PTBP3: variants seen among roughly 807,000 people sequenced by gnomAD.
PTBP3 encodes the protein polypyrimidine tract binding protein 3, also known as polypyrimidine tract-binding protein 3.
In PTBP3, 20 loss-of-function variants were observed where a neutral mutation model predicts 58.7. The ratio of observed to expected loss-of-function variants is 0.34; its 90% CI spans 0.24 to 0.50. The LOEUF is 0.50. Among genes scored for constraint, PTBP3 ranks in the 20% least tolerant of loss-of-function variants. The pLI is 0.98. For missense variants in PTBP3, 509 were observed against 637.2 expected (o/e 0.80, Z 2.17); for synonymous variants, 185 against 219.8 (o/e 0.84, Z 1.40).
intron 2 of PTBP3, 120 bp from the exon 3 acceptor site, chr9:112,276,133 T>C (rs1827600596): frequency 1.3e-6 from 1 of 793,408 alleles, no homozygotes; most frequent in Non-Finnish European, 2.0e-6. Context: ...CAGGGAAACG[T>C]GGGGCTGATG....
At chr9:112,333,158 C>A in intron 1 of PTBP3, 1 of 1,208,230 alleles carries the variant, frequency 8.3e-7, no homozygotes, top group Non-Finnish European at 1.0e-6. Context: ...ACTCGGGGCG[C>A]GGAGGGCGGA....
chr9:112,237,619 G>A (rs368049305), intron 7 of PTBP3, among the ~76,000 whole-genome samples: 4 of 152,114 alleles, frequency 2.6e-5, no homozygotes, highest in South Asian at 4.1e-4. Context: ...AAAAGTTGCC[G>A]AGATTATAAG....
chr9:112,366,744 C>G, the PTBP3 span, among the ~76,000 whole-genome samples: 1 of 152,152 alleles, frequency 6.6e-6, no homozygotes, highest in South Asian at 2.1e-4. Context: ...CCACACAGTC[C>G]TTAGTGGGGC....
chr9:112,262,550 A>G lies in PTBP3; in HGVS notation c.401T>C (p.Leu134Pro). Residue 134 changes from leucine (L) to proline (P), a missense_variant, in exon 5 of 14, where the codon CTG (leucine) becomes CCG (proline). Leu to Pro is a moderately conservative substitution (Grantham distance 98). Around this residue, in one of 4 missense-constraint regions of PTBP3, gnomAD observed 212 missense variants for 215.3 expected, o/e 0.98. Coordinates refer to ENST00000374257, the MANE Select transcript of PTBP3 (RefSeq NM_001163788.4). ...QAVSAVQSGSLALSGGPSNEG... is the reference protein window; with the variant it reads ...QAVSAVQSGSPALSGGPSNEG... ...ATTGGAAGGACCTCCAGAAAGGGCC[A>G]GGCTTCCTGATTGGACGGCACTGAC... The G allele has an allele frequency of 1.9e-6, 3 of 1,612,046 alleles. No homozygotes were observed. Among genetic ancestry groups the G allele is most frequent in the Non-Finnish European group, 2.5e-6 (3 of 1,179,262 alleles).
At chr9:112,348,034 T>G in the PTBP3 span, among the ~76,000 whole-genome samples, 1 of 152,240 alleles carries the variant, frequency 6.6e-6, no homozygotes, top group Non-Finnish European at 1.5e-5. Flanking sequence ...TTTCTCAACC[T>G]CAGCACCACT....
At chr9:112,264,926 A>C (rs769699734) in intron 4 of PTBP3, among the ~76,000 whole-genome samples, 13 of 152,184 alleles carry the variant, frequency 8.5e-5, no homozygotes, top group Non-Finnish European at 1.3e-4. Context: ...TAATGAGAAA[A>C]CTGCAGGATT....
the PTBP3 span, among the ~76,000 whole-genome samples, chr9:112,376,524 T>G: frequency 4.5e-4 from 68 of 152,156 alleles, 1 homozygote; most frequent in East Asian, 0.013. Flanking sequence ...AGTGCTGGGA[T>G]TACAGGCATA....
At position 112,262,430 on chromosome 9, in the gene PTBP3, C is replaced by A; in HGVS notation, c.516+5G>T. Reference sequence around the variant, plus strand: ...ACTTTCTTAAGGGTATTTATTCCTCCTTACCTGATGAAGAACTTCCAGGGT... The same window carrying A: ...ACTTTCTTAAGGGTATTTATTCCTCATTACCTGATGAAGAACTTCCAGGGT... On this transcript the variant is annotated splice_donor_5th_base_variant and intron_variant, in intron 5 of 13. Coordinates refer to ENST00000374257, the MANE Select transcript of PTBP3 (RefSeq NM_001163788.4). 1.3e-6 allele frequency: 2 copies of A among 1,589,194 alleles called. No individual in the cohort carries two copies. Among genetic ancestry groups the A allele is most frequent in the Middle Eastern group, 1.7e-4 (1 of 6,024 alleles).
intron 2 of PTBP3, among the ~76,000 whole-genome samples, chr9:112,292,072 G>T (rs1418737233): frequency 1.3e-5 from 2 of 152,116 alleles, no homozygotes; most frequent in Admixed American, 1.3e-4. Context: ...GTGCTTATTA[G>T]AGAGAAAATT....
chr9:112,345,860 T>A, the PTBP3 span, among the ~76,000 whole-genome samples: 1 of 152,032 alleles, frequency 6.6e-6, no homozygotes, highest in African/African-American at 2.4e-5. Context: ...ATTTTCTTTT[T>A]TTTTTTCTTT....
chr9:112,343,914 T>G, the PTBP3 span, among the ~76,000 whole-genome samples: 1 of 152,184 alleles, frequency 6.6e-6, no homozygotes, highest in Non-Finnish European at 1.5e-5. Flanking sequence ...GTAAAGTACC[T>G]GTTCATATAT....
chr9:112,223,373 A>G lies in PTBP3; in HGVS notation c.*478T>C, dbSNP rs1834867779. The G allele has an allele frequency of 3.1e-6, 3 of 965,374 alleles. No individual in the cohort carries two copies. The highest frequency in any genetic ancestry group is 3.7e-6 in the Non-Finnish European group (3 of 810,634). 59.8% of individuals were successfully genotyped at this position (965,374 alleles called of 1,614,324 possible). A position where few individuals can be genotyped will look rare whatever the true frequency, so the allele number is the denominator to read the frequency against. Reference sequence around the variant, plus strand: ...TCTGATGTACTTTATATGTGAATATAATTTCCTACAAGGGTCAGACTTCTG... The same window carrying G: ...TCTGATGTACTTTATATGTGAATATGATTTCCTACAAGGGTCAGACTTCTG... On this transcript the variant is annotated 3_prime_UTR_variant, in exon 14 of 14. Coordinates refer to ENST00000374257, the MANE Select transcript of PTBP3 (RefSeq NM_001163788.4).
At chr9:112,330,285 G>A (rs548665456) in intron 1 of PTBP3, among the ~76,000 whole-genome samples, 8 of 152,160 alleles carry the variant, frequency 5.3e-5, no homozygotes, top group Non-Finnish European at 7.4e-5. Flanking sequence ...TTATAAATAC[G>A]TAAAATCCAA....
chr9:112,331,126 C>CACACGA (rs58593707), intron 1 of PTBP3, among the ~76,000 whole-genome samples: 1 of 147,582 alleles, frequency 6.8e-6, no homozygotes, highest in Non-Finnish European at 1.5e-5. Flanking sequence ...CACACACACA[C>CACACGA]GAGAGACAGT....
At chr9:112,291,058 C>T (rs1828397368) in intron 2 of PTBP3, among the ~76,000 whole-genome samples, 1 of 151,994 alleles carries the variant, frequency 6.6e-6, no homozygotes, top group African/African-American at 2.4e-5. Flanking sequence ...CCCACTTCTA[C>T]TAAAAATACA....
Position 112,260,924 on chromosome 9 carries a change from C to T in PTBP3, c.516+1511G>A, listed in dbSNP as rs1479075310. ...CTTGAGGGAAAAACAAAATTTGTTA[C>T]TGTGGTTAGGGAGATGATAAATGAA... is the stretch of plus-strand genomic sequence containing the variant. On this transcript the variant is annotated intron_variant, in intron 5 of 13. Coordinates refer to ENST00000374257, the MANE Select transcript of PTBP3 (RefSeq NM_001163788.4). Among the ~76,000 whole-genome samples, 3 of 152,202 alleles carry T rather than the reference C, an allele frequency of 2.0e-5. No homozygotes were observed. The East Asian group carries it at 5.8e-4, about 29-fold the overall frequency.
At chr9:112,353,981 C>T in the PTBP3 span, among the ~76,000 whole-genome samples, 1 of 151,920 alleles carries the variant, frequency 6.6e-6, no homozygotes, top group Non-Finnish European at 1.5e-5. Flanking sequence ...TATATAGATG[C>T]TTATAATATT....
chr9:112,257,991 G>A (rs4979090), intron 5 of PTBP3, among the ~76,000 whole-genome samples: 84,323 of 148,630 alleles, frequency 0.57, 25,366 homozygotes, highest in African/African-American at 0.8. Context: ...TTTTTTTTTA[G>A]TATCAAGCAC....
At chr9:112,349,310 C>A in the PTBP3 span, among the ~76,000 whole-genome samples, 1 of 152,132 alleles carries the variant, frequency 6.6e-6, no homozygotes, top group Non-Finnish European at 1.5e-5. Context: ...TCATATCTTG[C>A]CCTATGCATC....
Sources: gnomAD v4.1 joint callset for allele counts (sites outside exome capture counted in the v4.1 genomes callset) on GRCh38, gnomAD v4.1.1 for gene constraint, gnomAD v4.1.1 regional missense constraint, MANE v1.5 for transcripts, NCBI Gene and HGNC (gene_info 2026-07-23, HGNC 2026-07-21) for gene names.